Variants in MRPS30 observed in about 807,000 individuals in gnomAD.
The protein encoded by MRPS30 is mitochondrial ribosomal protein S30, also known as large ribosomal subunit protein mL65.
A neutral mutation model predicts 43.8 loss-of-function variants in MRPS30; 42 were observed. The ratio of observed to expected loss-of-function variants is 0.96; its 90% CI spans 0.75 to 1.24. The LOEUF is 1.24. Among genes scored for constraint, MRPS30 ranks in the 50% most tolerant of loss-of-function variants. MRPS30 has a pLI of 0.00. For missense variants in MRPS30, 638 were observed against 570.0 expected (o/e 1.12, Z -1.22); for synonymous variants, 273 against 228.2 (o/e 1.20, Z -1.77).
At chr5:44,812,178 C>G (rs1742851215) in intron 3 of MRPS30, among the ~76,000 whole-genome samples, 158 bp downstream of exon 3, 1 of 152,062 alleles carries the variant, frequency 6.6e-6, no homozygotes, top group Non-Finnish European at 1.5e-5. Flanking sequence ...TTACAACATG[C>G]ATAAACACTG....
At chr5:44,809,942 A>C in intron 1 of MRPS30, 2 of 224,366 alleles carry the variant, frequency 8.9e-6, no homozygotes, top group Non-Finnish European at 8.7e-6. Flanking sequence ...CTGTGTGACC[A>C]TGTGTCACAT....
At chr5:44,814,874 T>C (rs750580165) in intron 4 of MRPS30, 39 bp from the exon 5 acceptor site, 3 of 1,542,470 alleles carry the variant, frequency 1.9e-6, no homozygotes, top group Non-Finnish European at 2.6e-6. Flanking sequence ...GGGTAAGATA[T>C]ATTCTATGTG....
rs774766760 is a variant in MRPS30, at chr5:44,809,199, G to A, written c.237G>A (p.Lys79=). ...ACGCTGCGGAGTCGGTAGACGAGAAGCTGCGAATCCTCACCAAGATGCAGT... is the reference window on the plus strand; with the variant it reads ...ACGCTGCGGAGTCGGTAGACGAGAAACTGCGAATCCTCACCAAGATGCAGT... The part of the protein sequence containing the change: ...TVHAAESVDE[K]LRILTKMQFM... Residue 79 remains lysine, a synonymous_variant, in exon 1 of 5, where the codon AAG becomes AAA. Coordinates refer to ENST00000507110, the MANE Select transcript of MRPS30 (RefSeq NM_016640.4). 4.2e-5 allele frequency: 67 copies of A among 1,613,210 alleles called. No homozygotes were observed. Among genetic ancestry groups the A allele is most frequent in the Non-Finnish European group, 5.6e-5 (66 of 1,179,890 alleles).
chr5:44,814,010 A>G (rs1742882762), intron 4 of MRPS30, among the ~76,000 whole-genome samples: 1 of 152,158 alleles, frequency 6.6e-6, no homozygotes, highest in South Asian at 2.1e-4. Context: ...CCTATGCACA[A>G]ATCTGGGTAA....
chr5:44,813,350 A>T (rs1742873330), intron 4 of MRPS30, 68 bp downstream of exon 4: 1 of 1,362,984 alleles, frequency 7.3e-7, no homozygotes, highest in Non-Finnish European at 9.7e-7. Context: ...AATGGTTAAA[A>T]TTTTTTCTTT....
At chr5:44,813,020 GA>G (rs982447556) in intron 3 of MRPS30, 85 bp from the exon 4 acceptor site, 82 of 1,322,976 alleles carry the variant, frequency 6.2e-5, no homozygotes, top group East Asian at 1.9e-4. Flanking sequence ...TATAAAGAAG[GA>G]AAAAAAAGGC....
chr5:44,812,005 A>C lies in MRPS30; in HGVS notation c.838A>C (p.Asn280His). 1 of 1,590,336 alleles carries C rather than the reference A, an allele frequency of 6.3e-7. No homozygotes were observed. The highest frequency in any genetic ancestry group is 8.6e-7 in the Non-Finnish European group (1 of 1,164,398). ...TCCATTATTCAAACGGCAGTATGAA[A>C]ACCACATATTTGTTGGTAAGTTTCT... is the stretch of plus-strand genomic sequence containing the variant. ...KLPLFKRQYE[N>H]HIFVGSKTAD... Residue 280 changes from asparagine to histidine, a missense_variant, in exon 3 of 5, where the codon AAC becomes CAC. Asn to His is a moderately conservative substitution (Grantham distance 68). Transcript: ENST00000507110.
Position 44,813,233 on chromosome 5 carries a change from T to TGTTTTTAGA in MRPS30, c.982_983insTTTTTAGAG (p.Asn327_Ala328insValPheArg), listed in dbSNP as rs750005681. The TGTTTTTAGA allele has an allele frequency of 1.8e-5, 29 of 1,611,656 alleles. No homozygotes were observed. In the South Asian group the frequency reaches 3.1e-4, roughly 17 times the overall value. On this transcript the variant is annotated inframe_insertion, in exon 4 of 5. Coordinates refer to ENST00000507110, the MANE Select transcript of MRPS30 (RefSeq NM_016640.4). Reference sequence around the variant, plus strand: ...AGATAGAAGTTGTTTTTAGAGCTAATGCTATTGCAAGCCTTTTTGCTTGGA... The same window carrying TGTTTTTAGA: ...AGATAGAAGTTGTTTTTAGAGCTAATGTTTTTAGAGCTATTGCAAGCCTTTTTGCTTGGA...
intron 3 of MRPS30, 52 bp from the exon 4 acceptor site, chr5:44,813,054 C>T: frequency 1.3e-6 from 2 of 1,558,538 alleles, no homozygotes; most frequent in African/African-American, 1.4e-5. Flanking sequence ...ACATGTGCTC[C>T]ACATGTTCTA....
rs144036768 is a variant in MRPS30, at chr5:44,809,475, C to G, written c.513C>G (p.Val171=). The change falls in exon 1 of 5, where the codon GTC becomes GTG. Residue 171 remains valine, a synonymous_variant. Coordinates refer to ENST00000507110, the MANE Select transcript of MRPS30 (RefSeq NM_016640.4). ...RRVHRYEESE[V]ISLPFLDQLV... ...TGCACCGTTACGAGGAGAGCGAGGT[C>G]ATATCTTTGCCCTTCCTGGATCAGC... The G allele has an allele frequency of 1.2e-6, 2 of 1,613,880 alleles. No individual in the cohort carries two copies. Among genetic ancestry groups the G allele is most frequent in the African/African-American group, 2.7e-5 (2 of 74,948 alleles).
In MRPS30 at chr5:44,811,038, G is replaced by C. The variant is rs1413522498; in HGVS notation, c.631G>C (p.Val211Leu). Reference sequence around the variant, plus strand: ...TAGATGCCCAGTTCATTTTTACTGGGTGCGTGGTGAAGAAATTATTCCTCG... The same window carrying C: ...TAGATGCCCAGTTCATTTTTACTGGCTGCGTGGTGAAGAAATTATTCCTCG... ...DYRCPVHFYW[V>L]RGEEIIPRGH... is the part of the protein sequence containing the mutation. Residue 211 changes from valine (V) to leucine (L), a missense_variant, in exon 2 of 5, where the codon GTG (valine) becomes CTG (leucine). Physicochemically the swap from Val to Leu is conservative, Grantham distance 32 (BLOSUM62 1). Transcript: ENST00000507110. 1.2e-6 allele frequency: 2 copies of C among 1,613,864 alleles called. No homozygotes were observed. The highest frequency in any genetic ancestry group is 8.5e-7 in the Non-Finnish European group (1 of 1,179,938).
intron 4 of MRPS30, among the ~76,000 whole-genome samples, chr5:44,814,240 G>T (rs1742885891): frequency 6.6e-6 from 1 of 152,178 alleles, no homozygotes; most frequent in South Asian, 2.1e-4. Context: ...ATATGAAGTA[G>T]ATTAACACTA....
In MRPS30 at chr5:44,812,121, A is replaced by T. The variant is rs887956034; in HGVS notation, c.853+101A>T. The T allele has an allele frequency of 3.9e-6, 3 of 760,226 alleles. No homozygotes were observed. In the African/African-American group the frequency reaches 5.3e-5, roughly 14 times the overall value. 47.1% of individuals were successfully genotyped at this position (760,226 alleles called of 1,614,324 possible). A position where few individuals can be genotyped will look rare whatever the true frequency, so the allele number is the denominator to read the frequency against. On this transcript the variant is annotated intron_variant, in intron 3 of 4. Transcript: ENST00000507110. ...ATGAGGAATTAATTCTCGAAGACCGAGAGGTTTACATAGTCTATGAGCAAT... is the reference window on the plus strand; with the variant it reads ...ATGAGGAATTAATTCTCGAAGACCGTGAGGTTTACATAGTCTATGAGCAAT...
In MRPS30 at chr5:44,809,084, T is replaced by A. The variant is rs762071837; in HGVS notation, c.122T>A (p.Val41Asp). The change falls in exon 1 of 5, where the codon GTC becomes GAC. Residue 41 changes from valine to aspartate, a missense_variant. Transcript: ENST00000507110. Reference protein sequence around the residue: ...TTCQDVAATPVARYPPIVASM... With the variant: ...TTCQDVAATPDARYPPIVASM... ...TGCCAAGACGTCGCGGCGACCCCCG[T>A]CGCGCGGTACCCGCCGATTGTGGCC... The A allele has an allele frequency of 6.2e-7, 1 of 1,609,534 alleles. No homozygotes were observed. Among genetic ancestry groups the A allele is most frequent in the Non-Finnish European group, 8.5e-7 (1 of 1,178,560 alleles).
chr5:44,814,528 C>G (rs73752093), intron 4 of MRPS30, among the ~76,000 whole-genome samples: 132 of 152,224 alleles, frequency 8.7e-4, no homozygotes, highest in African/African-American at 2.9e-3. Context: ...TTTGCTATCT[C>G]CATTAAAGAT....
At position 44,808,987 on chromosome 5, in the gene MRPS30, C is replaced by T. The variant is rs757394025; in HGVS notation, c.25C>T (p.Pro9Ser). Residue 9 changes from proline (P) to serine (S), a missense_variant, in exon 1 of 5, where the codon CCT becomes TCT. Pro to Ser is a moderately conservative substitution (Grantham distance 74). Transcript: ENST00000507110. Reference sequence around the variant, plus strand: ...GATGGCGGCGGCCAGGTGTTGGAGGCCTTTGCTACGCGGTCCGAGGCTTTC... The same window carrying T: ...GATGGCGGCGGCCAGGTGTTGGAGGTCTTTGCTACGCGGTCCGAGGCTTTC... MAAARCWRPLLRGPRLSLH... is the reference protein window; with the variant it reads MAAARCWRSLLRGPRLSLH... 2.5e-5 allele frequency: 40 copies of T among 1,606,068 alleles called. No homozygotes were observed. Among genetic ancestry groups the T allele is most frequent in the Non-Finnish European group, 2.9e-5 (34 of 1,176,786 alleles).
rs1201315979 is a variant in MRPS30, at chr5:44,809,509, A to G, written c.547A>G (p.Thr183Ala). 6.2e-7 allele frequency: 1 copy of G among 1,611,902 alleles called. No homozygotes were observed. The highest frequency in any genetic ancestry group is 1.7e-5 in the Admixed American group (1 of 59,904). The change falls in exon 1 of 5, where the codon ACC (threonine) becomes GCC (alanine). Residue 183 changes from threonine (T) to alanine (A), a missense_variant. Coordinates refer to ENST00000507110, the MANE Select transcript of MRPS30 (RefSeq NM_016640.4). Reference protein sequence around the residue: ...SLPFLDQLVSTLVGLLSPHNP... With the variant: ...SLPFLDQLVSALVGLLSPHNP... Reference sequence around the variant, plus strand: ...GCCCTTCCTGGATCAGCTGGTGTCAACCCTCGTGGGCCTCCTCAGCCCACA... The same window carrying G: ...GCCCTTCCTGGATCAGCTGGTGTCAGCCCTCGTGGGCCTCCTCAGCCCACA...
At chr5:44,812,775 CAAG>C (rs1431076863) in intron 3 of MRPS30, among the ~76,000 whole-genome samples, 7 of 151,580 alleles carry the variant, frequency 4.6e-5, no homozygotes, top group Non-Finnish European at 7.4e-5. Context: ...GTTAATATGA[CAAG>C]GAGACAACCA....
At chr5:44,811,576 C>T (rs1742839870) in intron 2 of MRPS30, among the ~76,000 whole-genome samples, 1 of 152,122 alleles carries the variant, frequency 6.6e-6, no homozygotes, top group Admixed American at 6.5e-5. Flanking sequence ...ATTGTCTATG[C>T]TTTCATGTCA....
Sources: allele counts gnomAD v4.1 joint callset (sites outside exome capture counted in the v4.1 genomes callset), GRCh38; gene constraint gnomAD v4.1.1; transcripts MANE v1.5; gene names NCBI Gene and HGNC (gene_info 2026-07-23, HGNC 2026-07-21).